Variants in GLYATL1 observed in about 807,000 individuals in gnomAD.
GLYATL1 encodes the protein glycine-N-acyltransferase like 1.
A neutral mutation model predicts 20.0 loss-of-function variants in GLYATL1; 15 were observed. The observed-to-expected ratio is 0.75, with a 90% CI of 0.50 to 1.15. GLYATL1 has a LOEUF of 1.15. Ranked by LOEUF, GLYATL1 falls within the 50% of genes most tolerant of loss-of-function variation. The pLI is 0.00. For synonymous variants in GLYATL1, 151 were observed against 131.5 expected (o/e 1.15, Z -1.01); for missense variants, 380 against 368.5 (o/e 1.03, Z -0.26).
rs73483098 is a variant in GLYATL1 at position 58,955,880 on chromosome 11, T to C, written c.762T>C (p.Tyr254=). 5.5e-4 allele frequency: 880 copies of C among 1,614,196 alleles called. 9 individuals carry two copies. The African/African-American group carries it at 9.0e-3, about 17-fold the overall frequency. ...GAGTGATGGTGCGATACATGAAATA[T>C]CTGCGTCAGAAGAATATTCCATTTT... ...MARVMVRYMK[Y]LRQKNIPFYI... The change falls in exon 7 of 7, where the codon TAT becomes TAC. Residue 254 remains tyrosine, a synonymous_variant. Coordinates refer to ENST00000532726, the MANE Select transcript of GLYATL1 (RefSeq NM_001389712.2).
chr11:58,930,935 T>C (rs1007726959), intron 1 of GLYATL1, among the ~76,000 whole-genome samples: 1 of 152,214 alleles, frequency 6.6e-6, no homozygotes, highest in Non-Finnish European at 1.5e-5. Flanking sequence ...CTAATCTCCA[T>C]GGTGATGGCA....
At chr11:58,935,119 G>T (rs1855769765), upstream of GLYATL1, 1 of 152,878 alleles carries the variant, frequency 6.5e-6, no homozygotes, top group African/African-American at 2.4e-5. Flanking sequence ...AGTCACTGGG[G>T]CTGGCCTGGT....
intron 4 of GLYATL1, among the ~76,000 whole-genome samples, chr11:58,948,339 A>C (rs991489143): frequency 6.6e-6 from 1 of 152,202 alleles, no homozygotes; most frequent in African/African-American, 2.4e-5. Context: ...TAAGTCTACC[A>C]GTAAAATTAC....
intron 3 of GLYATL1, 118 bp from the exon 4 acceptor site, chr11:58,947,740 C>A: frequency 1.4e-6 from 1 of 714,672 alleles, no homozygotes; most frequent in Non-Finnish European, 2.5e-6. Context: ...CTCATCTCAC[C>A]ATCACTGACT....
downstream of GLYATL1, among the ~76,000 whole-genome samples, chr11:58,912,675 T>C (rs1243070570): frequency 6.6e-6 from 1 of 152,148 alleles, no homozygotes; most frequent in Non-Finnish European, 1.5e-5. Flanking sequence ...GTCTCACCAC[T>C]GGGAGGGAAA....
rs1856688140 is a variant in GLYATL1 at position 58,947,848 on chromosome 11, C to T, written c.79-10C>T. 1.3e-6 allele frequency: 2 copies of T among 1,585,436 alleles called. No individual in the cohort carries two copies. Among genetic ancestry groups the T allele is most frequent in the Admixed American group, 1.7e-5 (1 of 59,964 alleles). Reference sequence around the variant, plus strand: ...TCAACCTCTCCTGGTCCCTTTCATCCCTCCTTCAGGTGTATGGCTCTGTGT... The same window carrying T: ...TCAACCTCTCCTGGTCCCTTTCATCTCTCCTTCAGGTGTATGGCTCTGTGT... On this transcript the variant is annotated splice_polypyrimidine_tract_variant and intron_variant, in intron 3 of 6. Transcript: ENST00000532726.
At chr11:58,954,606 G>A (rs139547658) in intron 4 of GLYATL1, among the ~76,000 whole-genome samples, 164 bp from the exon 5 acceptor site, 24 of 152,212 alleles carry the variant, frequency 1.6e-4, no homozygotes, top group African/African-American at 4.1e-4. Flanking sequence ...AGAGGTCAGC[G>A]GTAGCTTATA....
At chr11:58,948,312 A>G (rs1856731279) in intron 4 of GLYATL1, among the ~76,000 whole-genome samples, 1 of 152,126 alleles carries the variant, frequency 6.6e-6, no homozygotes, top group Non-Finnish European at 1.5e-5. Flanking sequence ...AGTGGCTTAG[A>G]AACAGAAACC....
intron 4 of GLYATL1, among the ~76,000 whole-genome samples, chr11:58,948,632 C>A (rs1856755619): frequency 6.6e-6 from 1 of 151,370 alleles, no homozygotes; most frequent in Non-Finnish European, 1.5e-5. Flanking sequence ...CAGAGTGAGA[C>A]CCTGTTGTTT....
chr11:58,932,956 G>A (rs1855667892), intron 1 of GLYATL1, among the ~76,000 whole-genome samples: 1 of 152,272 alleles, frequency 6.6e-6, no homozygotes, highest in Middle Eastern at 3.4e-3. Context: ...TTTATTATAT[G>A]AAATATTGGC....
At chr11:58,932,353 C>T (rs577379611) in intron 1 of GLYATL1, among the ~76,000 whole-genome samples, 1 of 152,144 alleles carries the variant, frequency 6.6e-6, no homozygotes, top group South Asian at 2.1e-4. Context: ...GGTGGTACAA[C>T]CATTTTGTAA....
chr11:58,928,506 C>G (rs1484902743), intron 1 of GLYATL1: 1 of 152,266 alleles, frequency 6.6e-6, no homozygotes, highest in Admixed American at 6.5e-5. Context: ...CCTCACACAG[C>G]TCTCCTCACA....
At chr11:58,917,736 G>C (rs1402499550) in intron 1 of GLYATL1, among the ~76,000 whole-genome samples, 1 of 152,192 alleles carries the variant, frequency 6.6e-6, no homozygotes, top group Non-Finnish European at 1.5e-5. Flanking sequence ...ACAGAAAACA[G>C]AAATCTATAA....
intron 1 of GLYATL1, among the ~76,000 whole-genome samples, chr11:58,919,409 G>A (rs770957177): frequency 1.2e-4 from 19 of 152,150 alleles, no homozygotes; most frequent in Non-Finnish European, 2.2e-4. Context: ...CAGTTCATGT[G>A]CTCCACTTTT....
intron 1 of GLYATL1, chr11:58,943,154 T>G (rs1856291464): frequency 9.6e-7 from 1 of 1,044,092 alleles, no homozygotes; most frequent in Non-Finnish European, 1.3e-6. Flanking sequence ...TCTGTACTTC[T>G]TCATTTGAGT....
chr11:58,936,898 A>G (rs1304855204), upstream of GLYATL1, among the ~76,000 whole-genome samples: 1 of 152,128 alleles, frequency 6.6e-6, no homozygotes, highest in African/African-American at 2.4e-5. Context: ...CCAACCCAGA[A>G]CAGTTTAGCA....
intron 1 of GLYATL1, among the ~76,000 whole-genome samples, chr11:58,931,798 C>T (rs1472540044): frequency 6.6e-6 from 1 of 151,924 alleles, no homozygotes; most frequent in Non-Finnish European, 1.5e-5. Context: ...TTTATGTCTA[C>T]AATATTAAAT....
chr11:58,934,036 G>T (rs1855717449), intron 1 of GLYATL1: 1 of 152,664 alleles, frequency 6.6e-6, no homozygotes, highest in Non-Finnish European at 1.5e-5. Flanking sequence ...GTCCACAGGG[G>T]CTAACATGGC....
At position 58,943,682 on chromosome 11, in the gene GLYATL1, C is replaced by T. The variant is rs1247599798; in HGVS notation, c.-43+16C>T. ...AGGATAATAGGTAAGCTCCCTCTCG[C>T]ATTTTGGAGCTTCACACGTTGGTGT... On this transcript the variant is annotated intron_variant, in intron 2 of 6. Transcript: ENST00000532726. 3 of 1,610,326 alleles carry T rather than the reference C, an allele frequency of 1.9e-6. No homozygotes were observed. The highest frequency in any genetic ancestry group is 2.5e-6 in the Non-Finnish European group (3 of 1,178,470).
Sources: allele counts gnomAD v4.1 joint callset (sites outside exome capture counted in the v4.1 genomes callset), GRCh38; gene constraint gnomAD v4.1.1; transcripts MANE v1.5; gene names NCBI Gene and HGNC (gene_info 2026-07-23, HGNC 2026-07-21).